MRAP2: variants seen among roughly 807,000 people sequenced by gnomAD.
MRAP2 encodes melanocortin-2 receptor accessory protein 2.
MRAP2 carries 20 observed loss-of-function variants against 17.4 expected under a neutral mutation model. The observed-to-expected ratio is 1.15, with a 90% CI of 0.81 to 1.67. The LOEUF is 1.67. Ranked by LOEUF, MRAP2 falls within the 40% of genes most tolerant of loss-of-function variation. The probability of loss-of-function intolerance (pLI) is 0.00; values close to 1 mark genes in which losing one functional copy is unlikely to be tolerated. For synonymous variants in MRAP2, 96 were observed against 88.4 expected (o/e 1.09, Z -0.48); for missense variants, 238 against 240.0 (o/e 0.99, Z 0.05).
At chr6:84,094,612 C>T (rs2099502342), downstream of MRAP2, among the ~76,000 whole-genome samples, 1 of 152,204 alleles carries the variant, frequency 6.6e-6, no homozygotes, top group African/African-American at 2.4e-5. Flanking sequence ...TTCCTCATTT[C>T]CATTTTAATT....
intron 3 of MRAP2, among the ~76,000 whole-genome samples, chr6:84,075,217 C>T (rs1242247873): frequency 6.6e-6 from 1 of 152,162 alleles, no homozygotes; most frequent in African/African-American, 2.4e-5. Flanking sequence ...CACATCCCTT[C>T]CTCCCACAGC....
the MRAP2 span, among the ~76,000 whole-genome samples, chr6:84,104,186 T>C: frequency 1.3e-5 from 2 of 152,230 alleles, no homozygotes; most frequent in African/African-American, 4.8e-5. Flanking sequence ...GGCCGAGCTC[T>C]ACATTGGCCA....
intron 3 of MRAP2, among the ~76,000 whole-genome samples, chr6:84,087,130 G>A (rs1164639245): frequency 2.6e-5 from 4 of 152,112 alleles, no homozygotes; most frequent in African/African-American, 9.7e-5. Context: ...AGCCTCAGGA[G>A]GTCCTGAAGA....
intron 1 of MRAP2, among the ~76,000 whole-genome samples, chr6:84,054,052 A>G (rs1701012643): frequency 6.6e-6 from 1 of 152,086 alleles, no homozygotes; most frequent in Non-Finnish European, 1.5e-5. Context: ...ATGCGGGCGA[A>G]AGAAACCTCA....
intron 1 of MRAP2, among the ~76,000 whole-genome samples, chr6:84,038,283 G>A (rs77745353): frequency 0.012 from 1,887 of 152,248 alleles, 46 homozygotes; most frequent in African/African-American, 0.043. Flanking sequence ...TCCTGCTTTG[G>A]TCTTGGAGTG....
At chr6:84,068,675 T>C (rs2099495390) in intron 3 of MRAP2, among the ~76,000 whole-genome samples, 1 of 152,038 alleles carries the variant, frequency 6.6e-6, no homozygotes, top group Non-Finnish European at 1.5e-5. Context: ...GCAGATATTG[T>C]AAAAGGGGAT....
intron 1 of MRAP2, among the ~76,000 whole-genome samples, chr6:84,047,213 C>T (rs2099489267): frequency 6.6e-6 from 1 of 151,590 alleles, no homozygotes; most frequent in South Asian, 2.1e-4. Flanking sequence ...CTTTTTGAGA[C>T]AGGATTTTGC....
chr6:84,106,526 C>T, the MRAP2 span, among the ~76,000 whole-genome samples: 1 of 152,170 alleles, frequency 6.6e-6, no homozygotes, highest in East Asian at 1.9e-4. Flanking sequence ...CCCAGGAAGG[C>T]TTTTGTGAGT....
the MRAP2 span, among the ~76,000 whole-genome samples, chr6:84,123,731 C>T: frequency 6.6e-6 from 1 of 152,008 alleles, no homozygotes; most frequent in Non-Finnish European, 1.5e-5. Context: ...ATAAATGGAA[C>T]TGAATTAAAA....
chr6:84,063,131 C>T, intron 3 of MRAP2, 139 bp downstream of exon 3: 13 of 1,465,328 alleles, frequency 8.9e-6, no homozygotes, highest in Non-Finnish European at 1.2e-5. Context: ...GACCCAGATG[C>T]CCGTGGATGG....
chr6:84,094,566 A>T (rs952480251), downstream of MRAP2, among the ~76,000 whole-genome samples: 3 of 152,234 alleles, frequency 2.0e-5, no homozygotes, highest in African/African-American at 7.2e-5. Context: ...CTGCTATGTA[A>T]CAAGGATCTC....
chr6:84,113,326 C>T, the MRAP2 span, among the ~76,000 whole-genome samples: 1 of 152,114 alleles, frequency 6.6e-6, no homozygotes, highest in Non-Finnish European at 1.5e-5. Context: ...TTGCATTGAT[C>T]CCTTTACCAT....
chr6:84,041,554 G>A (rs1486235103), intron 1 of MRAP2, among the ~76,000 whole-genome samples: 1 of 152,254 alleles, frequency 6.6e-6, no homozygotes, highest in Non-Finnish European at 1.5e-5. Context: ...GGAGGGGGCT[G>A]TACCCTACAA....
At chr6:84,125,072 A>C in the MRAP2 span, 37 of 1,609,244 alleles carry the variant, frequency 2.3e-5, no homozygotes, top group South Asian at 3.9e-4. Flanking sequence ...AATTTCTATT[A>C]ATACTCTGGT....
chr6:84,086,939 CAGGT>C (rs1212364557), intron 3 of MRAP2, among the ~76,000 whole-genome samples: 5 of 152,216 alleles, frequency 3.3e-5, no homozygotes, highest in Admixed American at 3.3e-4. Flanking sequence ...GCTGGTGCCA[CAGGT>C]AGGCAGAAAA....
intron 3 of MRAP2, among the ~76,000 whole-genome samples, chr6:84,084,932 C>CT (rs879763204): frequency 1.0e-5 from 1 of 99,438 alleles, no homozygotes; most frequent in African/African-American, 4.2e-5. Context: ...TTTTATTTTA[C>CT]TTTATTTTAT....
intron 3 of MRAP2, among the ~76,000 whole-genome samples, chr6:84,083,034 G>T (rs1382454526): frequency 6.6e-6 from 1 of 151,896 alleles, no homozygotes; most frequent in Non-Finnish European, 1.5e-5. Flanking sequence ...GATTAATTCA[G>T]ATTGTGCGAC....
chr6:84,129,768 T>C, the MRAP2 span, among the ~76,000 whole-genome samples: 1 of 152,138 alleles, frequency 6.6e-6, no homozygotes, highest in Non-Finnish European at 1.5e-5. Flanking sequence ...ACTGAGATGA[T>C]GGGGTTTTCT....
At chr6:84,067,494 C>T (rs901383463) in intron 3 of MRAP2, among the ~76,000 whole-genome samples, 4 of 152,216 alleles carry the variant, frequency 2.6e-5, no homozygotes, top group African/African-American at 9.6e-5. Flanking sequence ...TTACATTCTA[C>T]ACCAGCAGTG....
Sources: allele counts gnomAD v4.1 joint callset (sites outside exome capture counted in the v4.1 genomes callset), GRCh38; gene constraint gnomAD v4.1.1; transcripts MANE v1.5; gene names NCBI Gene and HGNC (gene_info 2026-07-23, HGNC 2026-07-21).